Variants in MCC observed in about 807,000 individuals in gnomAD.
MCC encodes MCC regulator of Wnt signaling pathway.
In MCC, 90 loss-of-function variants were observed where a neutral mutation model predicts 116.2. The ratio of observed to expected loss-of-function variants is 0.77; its 90% confidence interval spans 0.65 to 0.92. MCC has a LOEUF of 0.92. Among genes scored for constraint, MCC ranks in the 40% least tolerant of loss-of-function variants. MCC has a pLI of 0.00. For synonymous variants in MCC, 578 were observed against 510.5 expected, an observed-to-expected ratio of 1.13 and a Z score of -1.78; for missense variants, 1,516 against 1,312.2, an observed-to-expected ratio of 1.16 and a Z score of -2.40.
intron 5 of MCC, among the ~76,000 whole-genome samples, chr5:113,127,994 T>A (rs1407990335): frequency 6.6e-6 from 1 of 152,236 alleles, no homozygotes; most frequent in East Asian, 1.9e-4. Context: ...TGTAATGTCA[T>A]GACTGAAGGA....
intron 12 of MCC, 152 bp from the exon 13 acceptor site, chr5:113,068,335 G>A (rs1753770726): frequency 1.6e-6 from 1 of 607,046 alleles, no homozygotes; most frequent in East Asian, 2.8e-5. Context: ...TCCCAGGGCA[G>A]GGCCAGTGGC....
intron 16 of MCC, among the ~76,000 whole-genome samples, chr5:113,048,173 G>A (rs1390243217): frequency 6.6e-6 from 1 of 152,182 alleles, no homozygotes; most frequent in Non-Finnish European, 1.5e-5. Context: ...TGAGACTTAA[G>A]GGCGATAATA....
chr5:113,433,611 A>G, intron 1 of MCC: 3 of 1,230,472 alleles, frequency 2.4e-6, no homozygotes, highest in African/African-American at 1.5e-5. Context: ...AAGGGGAGAG[A>G]GAAGAAGCTG....
At chr5:113,390,770 G>A (rs1321496448) in intron 1 of MCC, among the ~76,000 whole-genome samples, 1 of 152,090 alleles carries the variant, frequency 6.6e-6, no homozygotes, top group Non-Finnish European at 1.5e-5. Context: ...CTATACAGAG[G>A]CAATTTAAGT....
intron 3 of MCC, among the ~76,000 whole-genome samples, chr5:113,178,330 G>A (rs1431830451): frequency 1.3e-5 from 2 of 152,128 alleles, no homozygotes; most frequent in Admixed American, 1.3e-4. Context: ...GGTGGCTAGG[G>A]GTCAGATTTA....
chr5:113,316,830 A>C (rs1767298638), intron 3 of MCC, among the ~76,000 whole-genome samples: 1 of 152,186 alleles, frequency 6.6e-6, no homozygotes, highest in Admixed American at 6.5e-5. Context: ...TTGCTCATAT[A>C]TGTTTGTGTG....
intron 1 of MCC, among the ~76,000 whole-genome samples, chr5:113,487,886 C>T (rs1281430273): frequency 1.3e-5 from 2 of 152,300 alleles, no homozygotes; most frequent in East Asian, 1.9e-4. Flanking sequence ...ATGCCCAGGA[C>T]CCCGAGGCTG....
At chr5:113,176,260 G>A (rs1761326972) in intron 3 of MCC, among the ~76,000 whole-genome samples, 1 of 151,920 alleles carries the variant, frequency 6.6e-6, no homozygotes, top group African/African-American at 2.4e-5. Context: ...TCATAAAGCT[G>A]CAATCAGGCC....
At chr5:113,131,359 T>C (rs777048961) in intron 5 of MCC, among the ~76,000 whole-genome samples, 1 of 152,136 alleles carries the variant, frequency 6.6e-6, no homozygotes, top group African/African-American at 2.4e-5. Flanking sequence ...AAGCCACCCA[T>C]AACAGTTAAG....
intron 2 of MCC, among the ~76,000 whole-genome samples, chr5:113,363,352 A>C (rs1327521255): frequency 1.3e-5 from 2 of 152,238 alleles, no homozygotes; most frequent in African/African-American, 4.8e-5. Flanking sequence ...TAATTGGCTC[A>C]CAGTTCCACC....
At chr5:113,099,538 C>T (rs1343121089) in intron 8 of MCC, among the ~76,000 whole-genome samples, 7 of 152,214 alleles carry the variant, frequency 4.6e-5, no homozygotes, top group South Asian at 2.1e-4. Flanking sequence ...AACCACTTTA[C>T]GAGTATTATC....
At chr5:113,118,738 G>T (rs1757541213) in intron 6 of MCC, among the ~76,000 whole-genome samples, 2 of 152,136 alleles carry the variant, frequency 1.3e-5, no homozygotes, top group Non-Finnish European at 1.5e-5. Context: ...CTTTTTTCCT[G>T]TTGAAAAAAT....
intron 2 of MCC, among the ~76,000 whole-genome samples, chr5:113,354,154 C>T (rs951017151): frequency 6.6e-6 from 1 of 152,180 alleles, no homozygotes; most frequent in East Asian, 1.9e-4. Context: ...AATCACTCAG[C>T]ACTATCTGTC....
intron 3 of MCC, among the ~76,000 whole-genome samples, chr5:113,162,484 G>A (rs537991413): frequency 6.6e-6 from 1 of 152,090 alleles, no homozygotes; most frequent in East Asian, 1.9e-4. Context: ...TTAGCCACAA[G>A]GGTCGTTGCA....
intron 3 of MCC, among the ~76,000 whole-genome samples, chr5:113,194,039 G>A (rs1762267483): frequency 6.6e-6 from 1 of 152,148 alleles, no homozygotes; most frequent in African/African-American, 2.4e-5. Flanking sequence ...GGTGGCAGCT[G>A]CACAAACTGA....
chr5:113,072,728 C>A (rs1366035581), intron 11 of MCC, among the ~76,000 whole-genome samples: 1 of 152,246 alleles, frequency 6.6e-6, no homozygotes, highest in Admixed American at 6.5e-5. Context: ...GCTATCAACA[C>A]TCCCACCCTA....
chr5:113,428,346 T>C (rs920042379), intron 1 of MCC, among the ~76,000 whole-genome samples: 1 of 152,172 alleles, frequency 6.6e-6, no homozygotes, highest in Non-Finnish European at 1.5e-5. Flanking sequence ...CACACCCCTC[T>C]TTACCGACTG....
At chr5:113,423,372 C>A (rs937993670) in intron 1 of MCC, among the ~76,000 whole-genome samples, 1 of 152,184 alleles carries the variant, frequency 6.6e-6, no homozygotes, top group Non-Finnish European at 1.5e-5. Context: ...AACAGGGTGT[C>A]TTTAAAAAGA....
At chr5:113,043,418 G>C (rs2150215485) in intron 17 of MCC, 112 bp downstream of exon 17, 1 of 979,038 alleles carries the variant, frequency 1.0e-6, no homozygotes, top group South Asian at 1.4e-5. Context: ...CCAAGACATG[G>C]GTAAAGTGGA....
Sources: gnomAD v4.1 joint callset for allele counts (sites outside exome capture counted in the v4.1 genomes callset) on GRCh38, gnomAD v4.1.1 for gene constraint, MANE v1.5 for transcripts, NCBI Gene and HGNC (gene_info 2026-07-23, HGNC 2026-07-21) for gene names.